The following FER variants were observed in gnomAD, a reference collection of about 807,000 sequenced individuals.
FER encodes the protein tyrosine-protein kinase Fer.
In FER, 63 loss-of-function variants were observed where a neutral mutation model predicts 111.0. The observed-to-expected ratio is 0.57, with a 90% CI of 0.46 to 0.70. FER has a LOEUF of 0.70. FER is among the 30% of genes least tolerant of loss of function. The pLI, the probability that FER is intolerant of heterozygous loss-of-function variation, is 0.00. For missense variants in FER, 914 were observed against 954.0 expected (o/e 0.96, Z 0.55); for synonymous variants, 327 against 313.9 (o/e 1.04, Z -0.44).
chr5:108,759,822 C>A (rs369851545), intron 1 of FER, among the ~76,000 whole-genome samples: 2 of 152,320 alleles, frequency 1.3e-5, no homozygotes, highest in African/African-American at 4.8e-5. Flanking sequence ...TAAACACCTT[C>A]CAAAAGTCCA....
At chr5:109,145,814 T>C (rs1754032064) in intron 17 of FER, among the ~76,000 whole-genome samples, 1 of 152,012 alleles carries the variant, frequency 6.6e-6, no homozygotes, top group Non-Finnish European at 1.5e-5. Flanking sequence ...AAATATATGC[T>C]AATGTGTTTC....
intron 1 of FER, among the ~76,000 whole-genome samples, chr5:108,766,212 A>C (rs978663672): frequency 3.3e-5 from 5 of 152,234 alleles, no homozygotes; most frequent in Non-Finnish European, 7.3e-5. Flanking sequence ...CATTACTGGC[A>C]TGAGCCACCT....
chr5:109,090,086 T>C (rs2150041165), intron 16 of FER, among the ~76,000 whole-genome samples: 1 of 152,282 alleles, frequency 6.6e-6, no homozygotes, highest in East Asian at 1.9e-4. Flanking sequence ...GGTATCTGTG[T>C]TGCCTACTCA....
At chr5:108,874,997 A>G (rs1561546251) in intron 8 of FER, among the ~76,000 whole-genome samples, 1 of 150,142 alleles carries the variant, frequency 6.7e-6, no homozygotes, top group Non-Finnish European at 1.5e-5. Flanking sequence ...CAGATAACTT[A>G]TCCCCTCTGT....
At chr5:108,985,205 G>T (rs1581515258) in intron 13 of FER, among the ~76,000 whole-genome samples, 1 of 152,066 alleles carries the variant, frequency 6.6e-6, no homozygotes, top group Admixed American at 6.6e-5. Flanking sequence ...TAAATGTAAA[G>T]TATGACAATT....
At chr5:108,800,835 A>G (rs1042664366) in intron 3 of FER, among the ~76,000 whole-genome samples, 7 of 152,096 alleles carry the variant, frequency 4.6e-5, no homozygotes, top group Non-Finnish European at 1.0e-4. Flanking sequence ...TCACAAGGTC[A>G]GGAGATCGAG....
At chr5:108,970,318 C>G (rs1430263374) in intron 13 of FER, among the ~76,000 whole-genome samples, 2 of 151,952 alleles carry the variant, frequency 1.3e-5, no homozygotes, top group African/African-American at 2.4e-5. Flanking sequence ...CAGGTTCACG[C>G]CATTCTCCTG....
At chr5:108,865,768 G>A (rs1763984302) in intron 5 of FER, among the ~76,000 whole-genome samples, 1 of 152,060 alleles carries the variant, frequency 6.6e-6, no homozygotes, top group African/African-American at 2.4e-5. Flanking sequence ...ATCAAAAAGT[G>A]GGCGAAGGAT....
chr5:108,797,100 G>A (rs1756114725), intron 2 of FER, among the ~76,000 whole-genome samples: 2 of 151,986 alleles, frequency 1.3e-5, no homozygotes, highest in South Asian at 4.2e-4. Context: ...AAGCCTGCCG[G>A]GACTGGGTCC....
At chr5:108,868,844 T>A (rs1246535546) in intron 6 of FER, among the ~76,000 whole-genome samples, 1 of 152,136 alleles carries the variant, frequency 6.6e-6, no homozygotes, top group Admixed American at 6.6e-5. Context: ...GCACATAAGC[T>A]CTTAGGTTTA....
At chr5:109,024,794 G>C (rs1017368820) in intron 13 of FER, among the ~76,000 whole-genome samples, 1 of 151,938 alleles carries the variant, frequency 6.6e-6, no homozygotes, top group Non-Finnish European at 1.5e-5. Flanking sequence ...ATTGATTTTT[G>C]TATAAGGTGT....
intron 5 of FER, among the ~76,000 whole-genome samples, chr5:108,845,043 T>C (rs865957282): frequency 2.7e-3 from 78 of 29,314 alleles, no homozygotes; most frequent in Admixed American, 5.9e-3. Flanking sequence ...TATATATACA[T>C]ATATATATAT....
At chr5:108,906,860 A>G (rs183709868) in intron 10 of FER, among the ~76,000 whole-genome samples, 2 of 152,226 alleles carry the variant, frequency 1.3e-5, no homozygotes, top group East Asian at 1.9e-4. Context: ...ATCTTATGCA[A>G]TACCATGATT....
At chr5:109,015,658 GC>G in intron 13 of FER, among the ~76,000 whole-genome samples, 1 of 152,116 alleles carries the variant, frequency 6.6e-6, no homozygotes, top group South Asian at 2.1e-4. Context: ...AGCACATCAT[GC>G]CTCGGGGAAG....
intron 3 of FER, among the ~76,000 whole-genome samples, chr5:108,801,253 A>T (rs1373181530): frequency 6.6e-6 from 1 of 152,188 alleles, no homozygotes; most frequent in Non-Finnish European, 1.5e-5. Context: ...TTTGTTGAAA[A>T]CACTAAGCTT....
intron 4 of FER, among the ~76,000 whole-genome samples, chr5:108,835,019 G>T (rs73780593): frequency 9.2e-5 from 14 of 152,036 alleles, no homozygotes; most frequent in African/African-American, 2.7e-4. Flanking sequence ...TCCTTAAATT[G>T]CATTCAAATG....
At chr5:108,767,054 A>G (rs1752395905) in intron 1 of FER, among the ~76,000 whole-genome samples, 1 of 152,146 alleles carries the variant, frequency 6.6e-6, no homozygotes, top group South Asian at 2.1e-4. Context: ...TAATCCCAGC[A>G]TTTTGGGAGG....
At chr5:109,151,618 T>C (rs1437949438) in intron 17 of FER, among the ~76,000 whole-genome samples, 1 of 152,064 alleles carries the variant, frequency 6.6e-6, no homozygotes, top group Non-Finnish European at 1.5e-5. Flanking sequence ...TAAAGAAACT[T>C]TTAGAAACAG....
At chr5:109,126,007 G>GC (rs1554142818) in intron 17 of FER, among the ~76,000 whole-genome samples, 2 of 148,536 alleles carry the variant, frequency 1.3e-5, no homozygotes, top group East Asian at 2.0e-4. Flanking sequence ...ATCTATAGCT[G>GC]TTTTTTTTTT....
Sources: gnomAD v4.1 joint callset for allele counts (sites outside exome capture counted in the v4.1 genomes callset) on GRCh38, gnomAD v4.1.1 for gene constraint, MANE v1.5 for transcripts, NCBI Gene and HGNC (gene_info 2026-07-23, HGNC 2026-07-21) for gene names.